LRP1B: variants seen among roughly 807,000 people sequenced by gnomAD.
LRP1B encodes LDL receptor related protein 1B.
In LRP1B, 217 loss-of-function variants were observed where a neutral mutation model predicts 556.6. The ratio of observed to expected loss-of-function variants is 0.39; its 90% CI spans 0.35 to 0.44. The LOEUF is 0.44. Ranked by LOEUF, LRP1B falls within the 20% of genes least tolerant of loss-of-function variation. LRP1B has a pLI of 1.00. For synonymous variants in LRP1B, 2,047 were observed against 1,865.8 expected (o/e 1.10, Z -2.50); for missense variants, 5,053 against 5,620.8 (o/e 0.90, Z 3.23).
At chr2:141,942,196 C>A (rs1293905566) in intron 1 of LRP1B, among the ~76,000 whole-genome samples, 1 of 152,104 alleles carries the variant, frequency 6.6e-6, no homozygotes, top group Non-Finnish European at 1.5e-5. Flanking sequence ...CCAACCTCCT[C>A]ACTCTCCGCC....
intron 1 of LRP1B, among the ~76,000 whole-genome samples, chr2:141,961,013 T>C (rs1340355749): frequency 1.3e-5 from 2 of 151,882 alleles, no homozygotes; most frequent in African/African-American, 2.4e-5. Flanking sequence ...GAAGTGAAAA[T>C]ATGATTAACT....
intron 1 of LRP1B, among the ~76,000 whole-genome samples, chr2:142,095,993 G>A (rs1706351554): frequency 6.6e-6 from 1 of 151,670 alleles, no homozygotes; most frequent in Admixed American, 6.6e-5. Flanking sequence ...AAACCAAGGT[G>A]ACATTAACTG....
intron 3 of LRP1B, among the ~76,000 whole-genome samples, chr2:141,465,336 T>G (rs1016481025): frequency 6.7e-6 from 1 of 149,898 alleles, no homozygotes; most frequent in African/African-American, 2.5e-5. Context: ...GGGAAAGAAA[T>G]GGGGAAAAAA....
intron 3 of LRP1B, among the ~76,000 whole-genome samples, chr2:141,365,572 T>C (rs1366319201): frequency 6.6e-6 from 1 of 151,990 alleles, no homozygotes; most frequent in Non-Finnish European, 1.5e-5. Context: ...ATTTACCTTT[T>C]ATAGCTTCAT....
intron 67 of LRP1B, 122 bp from the exon 68 acceptor site, chr2:140,378,408 T>C: frequency 1.7e-6 from 1 of 583,012 alleles, no homozygotes; most frequent in South Asian, 2.5e-5. Context: ...ACAGAACCAA[T>C]ATATTGTTTA....
chr2:140,733,592 G>A (rs541886467), intron 35 of LRP1B, among the ~76,000 whole-genome samples: 36 of 152,236 alleles, frequency 2.4e-4, no homozygotes, highest in African/African-American at 7.7e-4. Flanking sequence ...ATTATGTGAC[G>A]TGAAAGAAAC....
At chr2:140,990,418 A>C (rs1032639516) in intron 16 of LRP1B, among the ~76,000 whole-genome samples, 1 of 152,130 alleles carries the variant, frequency 6.6e-6, no homozygotes, top group African/African-American at 2.4e-5. Flanking sequence ...TAACATATTA[A>C]CTAAGCCTAC....
rs187226419 is a variant in LRP1B at position 140,246,629 on chromosome 2, T to C, written c.13324+457A>G. The stretch of plus-strand genomic sequence containing the variant: ...AATCAACTTATATCTTTATTAAGAA[T>C]TGCTTGTTAACTTGCTTCTCTTTCA... On this transcript the variant is annotated intron_variant, in intron 87 of 90. Coordinates refer to ENST00000389484, the MANE Select transcript of LRP1B (RefSeq NM_018557.3). 4.3e-3 allele frequency among the ~76,000 whole-genome samples: 648 copies of C among 151,632 alleles called. 2 individuals are homozygous for C. Among genetic ancestry groups the C allele is most frequent in the Non-Finnish European group, 6.7e-3 (453 of 67,670 alleles).
chr2:141,155,457 T>G (rs1051660875), intron 7 of LRP1B, among the ~76,000 whole-genome samples: 2 of 141,998 alleles, frequency 1.4e-5, no homozygotes, highest in African/African-American at 4.9e-5. Flanking sequence ...TAATTTCCAT[T>G]TTTATTTTAT....
intron 66 of LRP1B, among the ~76,000 whole-genome samples, chr2:140,440,625 T>G (rs1302705255): frequency 6.6e-6 from 1 of 152,108 alleles, no homozygotes; most frequent in Non-Finnish European, 1.5e-5. Flanking sequence ...ATAAGGGGTG[T>G]GAAATGCTGT....
chr2:141,866,016 C>T (rs1393996238), intron 1 of LRP1B, among the ~76,000 whole-genome samples: 4 of 152,190 alleles, frequency 2.6e-5, no homozygotes, highest in African/African-American at 9.6e-5. Context: ...AAGTATGATG[C>T]TTTATTCGAT....
chr2:140,394,124 AT>A (rs34965660), intron 66 of LRP1B, among the ~76,000 whole-genome samples: 4,857 of 122,450 alleles, frequency 0.04, 138 homozygotes, highest in African/African-American at 0.11. Context: ...ACTGGCACAT[AT>A]TTTTTTTTTT....
chr2:140,993,752 A>G (rs1400416230), intron 16 of LRP1B, among the ~76,000 whole-genome samples: 1 of 152,036 alleles, frequency 6.6e-6, no homozygotes, highest in African/African-American at 2.4e-5. Context: ...ATGTAAAAGG[A>G]GAAATTCTTA....
intron 51 of LRP1B, among the ~76,000 whole-genome samples, chr2:140,512,496 A>G (rs1222747630): frequency 6.6e-6 from 1 of 152,174 alleles, no homozygotes; most frequent in Non-Finnish European, 1.5e-5. Context: ...CTCGGATAAT[A>G]ATATTTAATT....
Position 141,565,441 on chromosome 2 carries a change from T to C in LRP1B, c.206-84908A>G, listed in dbSNP as rs189992559. Among the ~76,000 whole-genome samples the C allele has an allele frequency of 3.9e-5, 6 of 152,340 alleles. No individual in the cohort carries two copies. In the East Asian group the frequency reaches 9.6e-4, roughly 24 times the overall value. ...AGCAAAAAGATGATCAATCAAGGCT[T>C]TTAAGAGCTGCAGAGAAAGAGTCTG... On this transcript the variant is annotated intron_variant, in intron 2 of 90. Transcript: ENST00000389484.
intron 2 of LRP1B, among the ~76,000 whole-genome samples, chr2:141,481,710 G>A (rs1682924433): frequency 6.6e-6 from 1 of 152,162 alleles, no homozygotes. Context: ...ATAGCAGAGT[G>A]CTTAACAGAC....
intron 41 of LRP1B, among the ~76,000 whole-genome samples, chr2:140,676,200 T>C (rs1685665996): frequency 6.6e-6 from 1 of 152,206 alleles, no homozygotes; most frequent in Admixed American, 6.5e-5. Context: ...AGCTAATTTA[T>C]GTCAGATAAA....
chr2:140,915,912 CAGCT>C (rs1209353010), intron 21 of LRP1B, among the ~76,000 whole-genome samples: 1 of 151,784 alleles, frequency 6.6e-6, no homozygotes, highest in African/African-American at 2.4e-5. Flanking sequence ...CCTGTACTCC[CAGCT>C]ACTTGGGAGG....
chr2:140,782,463 TCTA>T (rs1380465724), intron 32 of LRP1B, among the ~76,000 whole-genome samples: 2 of 152,086 alleles, frequency 1.3e-5, no homozygotes, highest in Non-Finnish European at 2.9e-5. Flanking sequence ...AAGACCGTCA[TCTA>T]CAAATAAGGA....
Sources: allele counts gnomAD v4.1 joint callset (sites outside exome capture counted in the v4.1 genomes callset), GRCh38; gene constraint gnomAD v4.1.1; transcripts MANE v1.5; gene names NCBI Gene and HGNC (gene_info 2026-07-23, HGNC 2026-07-21).